SPART: variants seen among roughly 807,000 people sequenced by gnomAD.
SPART encodes spartin, also known as spastic paraplegia 20 (Troyer syndrome).
Under a neutral mutation model 58.7 loss-of-function variants are expected in SPART, and 35 were observed. The ratio of observed to expected loss-of-function variants is 0.60; its 90% CI spans 0.46 to 0.79. SPART has a LOEUF of 0.79. Among genes scored for constraint, SPART ranks in the 30% least tolerant of loss-of-function variants. The pLI is 0.00. For missense variants in SPART, 730 were observed against 786.1 expected, an observed-to-expected ratio of 0.93 and a Z score of 0.85; for synonymous variants, 284 against 280.7, an observed-to-expected ratio of 1.01 and a Z score of -0.12.
rs748207425 is a variant in SPART at position 36,331,420 on chromosome 13, T to C, written c.987A>G (p.Gln329=). Residue 329 remains glutamine, a synonymous_variant, in exon 3 of 9, where the codon CAA becomes CAG. Coordinates refer to ENST00000438666, the MANE Select transcript of SPART (RefSeq NM_015087.5). ...TTACCTGGAGCCGAAGGTCAGACAT[T>C]TGCCTTAACAGATCCTCAAAGAGCT... ...DRELFEDLLR[Q]MSDLRLQANW... 3.7e-6 allele frequency: 6 copies of C among 1,613,946 alleles called. No individual in the cohort carries two copies. The highest frequency in any genetic ancestry group is 1.7e-5 in the Admixed American group (1 of 59,986).
At chr13:36,337,245 TGTC>T (rs1048701423) in intron 1 of SPART, among the ~76,000 whole-genome samples, 2 of 152,228 alleles carry the variant, frequency 1.3e-5, no homozygotes, top group African/African-American at 4.8e-5. Context: ...AATCTCCTCT[TGTC>T]TCTCTCTGTG....
At chr13:36,366,804 AC>A (rs34697553) in intron 1 of SPART, among the ~76,000 whole-genome samples, 106,113 of 151,648 alleles carry the variant, frequency 0.7, 37,294 homozygotes, top group East Asian at 0.81. Flanking sequence ...TTTTATTTAA[AC>A]CGGCATGAGG....
rs556559918 is a variant in SPART at position 36,306,359 on chromosome 13, A to T, written c.1734-1727T>A. Among the ~76,000 whole-genome samples, 8 of 152,034 alleles carry T rather than the reference A, an allele frequency of 5.3e-5. No homozygotes were observed. In the South Asian group the frequency reaches 1.7e-3, roughly 32 times the overall value. ...TAATGGCTGTGTCTATACAAAAAGA[A>T]AGGTATCAGCAGTTTCAGCACTGAA... On this transcript the variant is annotated intron_variant, in intron 8 of 8. Transcript: ENST00000438666.
Position 36,344,925 on chromosome 13 carries a change from A to T in SPART, c.-3+1300T>A, listed in dbSNP as rs952640028. ...ATTTTTTAACGTTCTAATAAAACAC[A>T]TTTATTTCAACATAACTACATGTAT... On this transcript the variant is annotated intron_variant, in intron 1 of 8. Coordinates refer to ENST00000438666, the MANE Select transcript of SPART (RefSeq NM_015087.5). Among the ~76,000 whole-genome samples the T allele has an allele frequency of 8.5e-5, 13 of 152,374 alleles. No homozygotes were observed. The East Asian group carries it at 1.5e-3, about 18-fold the overall frequency.
chr13:36,369,111 C>T (rs555333801), intron 1 of SPART, among the ~76,000 whole-genome samples: 2 of 152,252 alleles, frequency 1.3e-5, no homozygotes, highest in African/African-American at 4.8e-5. Context: ...CATTTGCCTC[C>T]CATCTTTCTT....
intron 6 of SPART, among the ~76,000 whole-genome samples, chr13:36,312,828 C>T (rs9547232): frequency 0.24 from 37,150 of 151,682 alleles, 4,928 homozygotes; most frequent in East Asian, 0.51. Flanking sequence ...GATATACATG[C>T]TCTTGCACTT....
chr13:36,351,841 T>C (rs1039280602), intron 1 of SPART, among the ~76,000 whole-genome samples: 1 of 152,216 alleles, frequency 6.6e-6, no homozygotes, highest in African/African-American at 2.4e-5. Flanking sequence ...TATTTTTTCT[T>C]TTCATCTATT....
At chr13:36,318,409 C>T (rs1334504405) in intron 5 of SPART, among the ~76,000 whole-genome samples, 2 of 152,148 alleles carry the variant, frequency 1.3e-5, no homozygotes, top group African/African-American at 4.8e-5. Context: ...GGCAACAACC[C>T]TGAGACACTT....
chr13:36,329,093 C>A (rs1593253681), intron 4 of SPART, among the ~76,000 whole-genome samples: 1 of 151,918 alleles, frequency 6.6e-6, no homozygotes, highest in Non-Finnish European at 1.5e-5. Context: ...AAGGCAGGAT[C>A]CTGTCTCAAA....
chr13:36,347,444 C>A (rs1456945259), upstream of SPART, among the ~76,000 whole-genome samples: 1 of 152,120 alleles, frequency 6.6e-6, no homozygotes, highest in Non-Finnish European at 1.5e-5. Flanking sequence ...GTCTTGAAAG[C>A]TTGACCTCAA....
chr13:36,304,234 T>A lies in SPART; in HGVS notation c.*131A>T. The A allele has an allele frequency of 9.0e-7, 1 of 1,106,596 alleles. No homozygotes were observed. The highest frequency in any genetic ancestry group is 1.3e-6 in the Non-Finnish European group (1 of 749,404). 68.5% of individuals were successfully genotyped at this position (1,106,596 alleles called of 1,614,324 possible). A position where few individuals can be genotyped will look rare whatever the true frequency, so the allele number is the denominator to read the frequency against. On this transcript the variant is annotated 3_prime_UTR_variant, in exon 9 of 9. Coordinates refer to ENST00000438666, the MANE Select transcript of SPART (RefSeq NM_015087.5). ...AATAGAAGACATGCCATAAAATTTATGAAAGTTAATTTGTAGGAATGAATA... is the reference window on the plus strand; with the variant it reads ...AATAGAAGACATGCCATAAAATTTAAGAAAGTTAATTTGTAGGAATGAATA...
In SPART at chr13:36,358,273, C is replaced by CT. The variant is rs376886738; in HGVS notation, c.-3+11815dup. 2.7e-3 allele frequency among the ~76,000 whole-genome samples: 413 copies of CT among 152,010 alleles called. 3 individuals are homozygous for CT. The highest frequency in any genetic ancestry group is 9.4e-3 in the African/African-American group (390 of 41,458). On this transcript the variant is annotated intron_variant, in intron 1 of 8. Transcript: ENST00000355182. ...CATTTTATGGTCTTTATTTCTTAGT[C>CT]TTTTTTGCATGTTTGGATTTCTAAT...
At position 36,326,650 on chromosome 13, in the gene SPART, A is replaced by C; in HGVS notation, c.1213T>G (p.Cys405Gly). The change falls in exon 5 of 9, where the codon TGT becomes GGT. Residue 405 changes from cysteine to glycine, a missense_variant. Cys to Gly is a radical substitution (Grantham distance 159). Transcript: ENST00000438666. Reference sequence around the variant, plus strand: ...GGCTTTTCTTCTGGAACTGGCTCACATGGTACAATGTGACTCAGGTTAACT... The same window carrying C: ...GGCTTTTCTTCTGGAACTGGCTCACCTGGTACAATGTGACTCAGGTTAACT... ...EEVNLSHIVP[C>G]EPVPEEKPKE... 1 of 1,613,464 alleles carries C rather than the reference A, an allele frequency of 6.2e-7. No individual in the cohort carries two copies. Among genetic ancestry groups the C allele is most frequent in the Non-Finnish European group, 8.5e-7 (1 of 1,179,840 alleles).
chr13:36,355,334 T>C (rs1280840871), intron 1 of SPART, among the ~76,000 whole-genome samples: 1 of 152,112 alleles, frequency 6.6e-6, no homozygotes, highest in African/African-American at 2.4e-5. Context: ...CTCTACAACA[T>C]GTATTTTGTA....
intron 1 of SPART, among the ~76,000 whole-genome samples, chr13:36,339,850 T>G (rs928018965): frequency 7.9e-5 from 12 of 151,998 alleles, no homozygotes; most frequent in Admixed American, 3.3e-4. Context: ...GAGGATCGCT[T>G]GAGTCCAGGA....
chr13:36,362,082 G>A (rs1885883483), intron 1 of SPART, among the ~76,000 whole-genome samples: 1 of 152,142 alleles, frequency 6.6e-6, no homozygotes, highest in Admixed American at 6.5e-5. Flanking sequence ...CGGGTGTGGT[G>A]GCTCACGCCT....
At chr13:36,345,816 G>A (rs1048452813) in intron 1 of SPART, among the ~76,000 whole-genome samples, 5 of 152,162 alleles carry the variant, frequency 3.3e-5, no homozygotes, top group African/African-American at 7.2e-5. Context: ...CGGGGCCATG[G>A]GCGCTGCGGG....
intron 5 of SPART, among the ~76,000 whole-genome samples, chr13:36,324,600 A>G (rs1882725701): frequency 6.6e-6 from 1 of 152,132 alleles, no homozygotes; most frequent in Non-Finnish European, 1.5e-5. Context: ...ACAGAAACAA[A>G]TGTTTGTTGT....
chr13:36,368,306 T>C, intron 1 of SPART: 1 of 338,928 alleles, frequency 3.0e-6, no homozygotes. Flanking sequence ...CACAAACAAA[T>C]CTGGAAGGCT....
Sources: allele counts gnomAD v4.1 joint callset (sites outside exome capture counted in the v4.1 genomes callset), GRCh38; gene constraint gnomAD v4.1.1; transcripts MANE v1.5; gene names NCBI Gene and HGNC (gene_info 2026-07-23, HGNC 2026-07-21).